The following ANKRD33B variants were observed in gnomAD, a reference collection of about 807,000 sequenced individuals.
ANKRD33B encodes the protein ankyrin repeat domain 33B.
A neutral mutation model predicts 21.5 loss-of-function variants in ANKRD33B; 6 were observed. That is an observed-to-expected ratio of 0.28 (90% confidence interval 0.15 to 0.55). The LOEUF is 0.55. ANKRD33B is among the 20% of genes least tolerant of loss of function. ANKRD33B has a pLI of 0.94. For missense variants in ANKRD33B, 698 were observed against 747.2 expected (o/e 0.93, Z 0.77); for synonymous variants, 347 against 342.4 (o/e 1.01, Z -0.15).
chr5:10,568,871 A>G (rs1735114739), intron 1 of ANKRD33B, among the ~76,000 whole-genome samples: 3 of 152,056 alleles, frequency 2.0e-5, no homozygotes. Context: ...TCTCTTGGTT[A>G]CGTTTTCCAA....
intron 1 of ANKRD33B, among the ~76,000 whole-genome samples, chr5:10,568,838 T>A (rs1735114328): frequency 6.6e-6 from 1 of 152,148 alleles, no homozygotes; most frequent in African/African-American, 2.4e-5. Context: ...CTGCCCTGCT[T>A]CTGCGTGTTT....
intron 1 of ANKRD33B, among the ~76,000 whole-genome samples, chr5:10,573,456 A>G (rs1579709572): frequency 6.9e-6 from 1 of 145,064 alleles, no homozygotes; most frequent in African/African-American, 2.5e-5. Flanking sequence ...CAACAGAGCG[A>G]GACTCCGTCT....
chr5:10,644,265 G>A (rs11958396), intron 3 of ANKRD33B, among the ~76,000 whole-genome samples: 63,881 of 152,070 alleles, frequency 0.42, 13,704 homozygotes, highest in Middle Eastern at 0.56. Context: ...GTTTGGCTTC[G>A]TAAGGAGTAA....
rs971191973 is a variant in ANKRD33B, at chr5:10,571,539, G to A, written c.366+6706G>A. On this transcript the variant is annotated intron_variant, in intron 1 of 3. Coordinates refer to ENST00000296657, the MANE Select transcript of ANKRD33B (RefSeq NM_001164440.2). ...ATTTGAGCCAACAGGTGTCCACACT[G>A]GGGCTTGTGCCTGGAACCCAGAGTG... 3.3e-5 allele frequency among the ~76,000 whole-genome samples: 5 copies of A among 152,190 alleles called. No individual in the cohort carries two copies. The East Asian group carries it at 9.6e-4, about 29-fold the overall frequency.
At chr5:10,598,514 G>A (rs547831570) in intron 1 of ANKRD33B, among the ~76,000 whole-genome samples, 29 of 152,302 alleles carry the variant, frequency 1.9e-4, no homozygotes, top group Non-Finnish European at 1.3e-4. Context: ...TCATCCATCC[G>A]CCTCGGCCTC....
intron 3 of ANKRD33B, among the ~76,000 whole-genome samples, chr5:10,640,906 C>A (rs140043716): frequency 3.9e-5 from 6 of 152,366 alleles, no homozygotes; most frequent in Non-Finnish European, 5.9e-5. Flanking sequence ...AGAGGGGACA[C>A]CGAGGTACCC....
intron 1 of ANKRD33B, among the ~76,000 whole-genome samples, chr5:10,583,474 G>A (rs1735489348): frequency 6.6e-6 from 1 of 152,172 alleles, no homozygotes; most frequent in African/African-American, 2.4e-5. Context: ...AGCATCCCTG[G>A]CCCCTGCCCA....
intron 1 of ANKRD33B, among the ~76,000 whole-genome samples, chr5:10,602,212 C>T (rs778197676): frequency 1.2e-4 from 18 of 152,228 alleles, no homozygotes; most frequent in Admixed American, 5.9e-4. Context: ...TCACCCAGGG[C>T]GTCAGCGGAG....
At chr5:10,617,535 A>T (rs1736311200) in intron 1 of ANKRD33B, among the ~76,000 whole-genome samples, 1 of 152,114 alleles carries the variant, frequency 6.6e-6, no homozygotes, top group Non-Finnish European at 1.5e-5. Context: ...GTGTGACACC[A>T]TCCTTGCCTG....
intron 3 of ANKRD33B, among the ~76,000 whole-genome samples, chr5:10,640,463 C>A (rs1250364396): frequency 1.3e-5 from 2 of 152,168 alleles, no homozygotes; most frequent in African/African-American, 2.4e-5. Context: ...CAACTAATAG[C>A]TTTAACTCTT....
At chr5:10,642,973 C>T (rs952178855) in intron 3 of ANKRD33B, among the ~76,000 whole-genome samples, 10 of 152,094 alleles carry the variant, frequency 6.6e-5, no homozygotes, top group African/African-American at 2.4e-4. Context: ...GGCGCGATCT[C>T]GGTTCACTGC....
At chr5:10,644,356 G>T (rs1015136492) in intron 3 of ANKRD33B, among the ~76,000 whole-genome samples, 6 of 152,180 alleles carry the variant, frequency 3.9e-5, no homozygotes, top group African/African-American at 1.4e-4. Context: ...ACAGTGACAG[G>T]TCTATTTAAA....
rs1186075335 is a variant in ANKRD33B at position 10,654,087 on chromosome 5, C to G, written c.*3974C>G. ...TTGATCATCCCTGGCACCACCTACC[C>G]TAAGGTCTTCCAAGAACAGAAAAGC... On this transcript the variant is annotated 3_prime_UTR_variant, in exon 4 of 4. Transcript: ENST00000296657. 6.6e-6 allele frequency: 1 copy of G among 152,616 alleles called. No individual in the cohort carries two copies. Among genetic ancestry groups the G allele is most frequent in the African/African-American group, 2.4e-5 (1 of 41,466 alleles). The allele number at this position is 152,616 out of a possible 1,614,324, so 9.5% of individuals were successfully genotyped here.
chr5:10,582,195 C>T (rs1579715162), intron 1 of ANKRD33B, among the ~76,000 whole-genome samples: 1 of 152,198 alleles, frequency 6.6e-6, no homozygotes, highest in East Asian at 1.9e-4. Context: ...TAAAAGGGCC[C>T]TATGTCTGAT....
intron 1 of ANKRD33B, among the ~76,000 whole-genome samples, chr5:10,602,877 A>G (rs1169637008): frequency 1.3e-5 from 2 of 150,672 alleles, no homozygotes; most frequent in African/African-American, 4.9e-5. Context: ...CAGTGGCATG[A>G]TCACAGCTCA....
Position 10,656,997 on chromosome 5 carries a change from G to T in ANKRD33B, c.*6884G>T, listed in dbSNP as rs530525970. On this transcript the variant is annotated 3_prime_UTR_variant, in exon 4 of 4. Transcript: ENST00000296657. ...TAAATAAGAAAAAAAAAAACCCCAC[G>T]AAACTTTCCATCAAAGCAATGGTCC... 1 of 151,128 alleles carries T rather than the reference G, an allele frequency of 6.6e-6. No homozygotes were observed. The highest frequency in any genetic ancestry group is 1.5e-5 in the Non-Finnish European group (1 of 67,842). The allele number at this position is 151,128 out of a possible 1,614,324, so 9.4% of individuals were successfully genotyped here. A position where few individuals can be genotyped will look rare whatever the true frequency, so the allele number is the denominator to read the frequency against.
intron 1 of ANKRD33B, among the ~76,000 whole-genome samples, chr5:10,584,140 C>T (rs1735504119): frequency 2.0e-5 from 3 of 152,190 alleles, no homozygotes; most frequent in African/African-American, 7.2e-5. Flanking sequence ...AACAGAACCA[C>T]ATGACACGTG....
rs1291026469 is a variant in ANKRD33B at position 10,649,482 on chromosome 5, A to C, written c.854A>C (p.Asp285Ala). The change falls in exon 4 of 4, where the codon GAC (aspartate) becomes GCC (alanine). Residue 285 changes from aspartate (D) to alanine (A), a missense_variant. Physicochemically the swap from Asp to Ala is moderately radical, Grantham distance 126. Around this residue, in one of 3 missense-constraint regions of ANKRD33B, gnomAD observed 543 missense variants for 566.5 expected, o/e 0.96. Transcript: ENST00000296657. ...AAGAACTGCCTGCAGAGGCTCACAGACTGCGTGCTGTCCGTGCTGACGCCG... is the reference window on the plus strand; with the variant it reads ...AAGAACTGCCTGCAGAGGCTCACAGCCTGCGTGCTGTCCGTGCTGACGCCG... ...GSKNCLQRLTDCVLSVLTPRS... is the reference protein window; with the variant it reads ...GSKNCLQRLTACVLSVLTPRS... The C allele has an allele frequency of 1.3e-6, 2 of 1,535,208 alleles. No homozygotes were observed. The highest frequency in any genetic ancestry group is 4.9e-5 in the East Asian group (2 of 40,882).
At chr5:10,581,791 G>A (rs746233143) in intron 1 of ANKRD33B, among the ~76,000 whole-genome samples, 2 of 152,194 alleles carry the variant, frequency 1.3e-5, no homozygotes, top group Non-Finnish European at 2.9e-5. Flanking sequence ...AAGAAATTCT[G>A]CCTCAAAGCT....
Sources: allele counts gnomAD v4.1 joint callset (sites outside exome capture counted in the v4.1 genomes callset), GRCh38; gene constraint gnomAD v4.1.1; regional missense constraint gnomAD v4.1.1; transcripts MANE v1.5; gene names NCBI Gene and HGNC (gene_info 2026-07-23, HGNC 2026-07-21).